LRBA: variants seen among roughly 807,000 people sequenced by gnomAD.
LRBA encodes LPS responsive beige-like anchor protein.
In LRBA, 176 loss-of-function variants were observed where a neutral mutation model predicts 330.0. The observed-to-expected ratio is 0.53, with a 90% CI of 0.47 to 0.60. LRBA has a LOEUF of 0.60. LRBA is among the 20% of genes least tolerant of loss of function. The probability of loss-of-function intolerance (pLI) is 0.00; values close to 1 mark genes in which losing one functional copy is unlikely to be tolerated. For missense variants in LRBA, 3,259 were observed against 3,444.8 expected, an observed-to-expected ratio of 0.95 and a Z score of 1.35; for synonymous variants, 1,230 against 1,193.0, an observed-to-expected ratio of 1.03 and a Z score of -0.64.
intron 37 of LRBA, among the ~76,000 whole-genome samples, chr4:150,680,779 A>G (rs980114655): frequency 3.9e-5 from 6 of 152,198 alleles, no homozygotes; most frequent in African/African-American, 1.4e-4. Flanking sequence ...ATAATTGACT[A>G]AAAATATTGA....
intron 40 of LRBA, among the ~76,000 whole-genome samples, chr4:150,556,523 G>T (rs1767336245): frequency 6.6e-6 from 1 of 152,168 alleles, no homozygotes; most frequent in Non-Finnish European, 1.5e-5. Flanking sequence ...TAGTTACACA[G>T]AATGTGAATA....
chr4:150,350,628 C>T (rs959343971), intron 47 of LRBA, among the ~76,000 whole-genome samples: 2 of 151,788 alleles, frequency 1.3e-5, no homozygotes, highest in African/African-American at 2.4e-5. Context: ...ATCTGTCCTC[C>T]TTGGTTTATA....
rs1733954024 is a variant in LRBA at position 150,927,048 on chromosome 4, C to CGTCCAGTGGTGAGACAGAGCAA, written c.549+1467_549+1468insTTGCTCTGTCTCACCACTGGAC. ...ATCGCACCACTGGACGTTAGCCTGG[C>CGTCCAGTGGTGAGACAGAGCAA]GACAGAGCAAGACTCCGTCTCAAAA... On this transcript the variant is annotated intron_variant, in intron 4 of 56. Transcript: ENST00000651943. Among the ~76,000 whole-genome samples, 5 of 143,180 alleles carry CGTCCAGTGGTGAGACAGAGCAA rather than the reference C, an allele frequency of 3.5e-5. No homozygotes were observed. In the Middle Eastern group the frequency reaches 0.012, roughly 338 times the overall value. The allele number at this position is 143,180 out of a possible 152,430, so 93.9% of individuals were successfully genotyped here. A position where few individuals can be genotyped will look rare whatever the true frequency, so the allele number is the denominator to read the frequency against.
intron 2 of LRBA, among the ~76,000 whole-genome samples, chr4:150,980,744 G>C (rs1228876620): frequency 6.6e-6 from 1 of 152,072 alleles, no homozygotes; most frequent in African/African-American, 2.4e-5. Context: ...AAAACCTAGA[G>C]AGTCCACCAA....
At chr4:150,350,781 A>G (rs1329361519) in intron 47 of LRBA, among the ~76,000 whole-genome samples, 3 of 152,156 alleles carry the variant, frequency 2.0e-5, no homozygotes, top group African/African-American at 7.2e-5. Flanking sequence ...CAGGTACTCG[A>G]TTTATGCTTC....
At chr4:150,954,967 A>G (rs1046243381) in intron 2 of LRBA, among the ~76,000 whole-genome samples, 1 of 149,058 alleles carries the variant, frequency 6.7e-6, no homozygotes, top group African/African-American at 2.6e-5. Flanking sequence ...TAGCCTATAT[A>G]AAAGAATAAG....
chr4:150,486,665 T>C (rs552340056), intron 42 of LRBA, among the ~76,000 whole-genome samples: 6 of 151,840 alleles, frequency 4.0e-5, no homozygotes, highest in East Asian at 1.9e-4. Flanking sequence ...TTTTGTAATC[T>C]AGTCTCCACA....
intron 35 of LRBA, among the ~76,000 whole-genome samples, 199 bp downstream of exon 35, chr4:150,761,584 A>C (rs1431357105): frequency 6.6e-6 from 1 of 152,048 alleles, no homozygotes; most frequent in African/African-American, 2.4e-5. Context: ...AAAATCAGAA[A>C]TGTATCAGTA....
At chr4:150,806,207 T>A in intron 33 of LRBA, 64 bp downstream of exon 33, 1 of 1,216,176 alleles carries the variant, frequency 8.2e-7, no homozygotes, top group Non-Finnish European at 1.1e-6. Context: ...TATTTCATTA[T>A]CCATGTAAGT....
At chr4:150,995,347 C>A (rs950567245) in intron 2 of LRBA, among the ~76,000 whole-genome samples, 1 of 151,318 alleles carries the variant, frequency 6.6e-6, no homozygotes, top group African/African-American at 2.4e-5. Flanking sequence ...AAGAAATTCA[C>A]AAAATAATGA....
intron 28 of LRBA, among the ~76,000 whole-genome samples, chr4:150,835,779 T>C (rs967503386): frequency 2.0e-5 from 3 of 152,182 alleles, no homozygotes; most frequent in African/African-American, 7.2e-5. Flanking sequence ...TTTTCCTAAT[T>C]GAATACCCTT....
rs139480902 is a variant in LRBA at position 150,960,026 on chromosome 4, T to A, written c.217-30961A>T. ...CCCCAGCCTCCCAACTAGCTGGGGC[T>A]ACCGGTGTGTACCACCATGCCTGGC... On this transcript the variant is annotated intron_variant, in intron 2 of 56. Transcript: ENST00000651943. Among the ~76,000 whole-genome samples, 301 of 148,310 alleles carry A rather than the reference T, an allele frequency of 2.0e-3. 28 individuals are homozygous for A. The highest frequency in any genetic ancestry group is 4.2e-3 in the Admixed American group (63 of 15,114).
intron 40 of LRBA, among the ~76,000 whole-genome samples, chr4:150,500,476 G>T (rs1023075528): frequency 6.6e-6 from 1 of 152,098 alleles, no homozygotes; most frequent in African/African-American, 2.4e-5. Context: ...TACTCAGGAG[G>T]CTGAGACAGG....
chr4:150,893,344 A>T (rs1268593133), intron 16 of LRBA, among the ~76,000 whole-genome samples, 195 bp from the exon 17 acceptor site: 1 of 152,146 alleles, frequency 6.6e-6, no homozygotes, highest in Admixed American at 6.5e-5. Flanking sequence ...ATAAAATAGC[A>T]AACCAATTTC....
intron 37 of LRBA, among the ~76,000 whole-genome samples, chr4:150,680,916 A>G (rs1224456360): frequency 6.6e-6 from 1 of 152,210 alleles, no homozygotes; most frequent in East Asian, 1.9e-4. Flanking sequence ...AATAAATGAC[A>G]TTAATGGGAA....
intron 34 of LRBA, among the ~76,000 whole-genome samples, chr4:150,794,917 GC>G (rs1458297571): frequency 1.3e-5 from 2 of 152,182 alleles, no homozygotes; most frequent in East Asian, 3.9e-4. Context: ...TTATCTGACA[GC>G]CCTCTCCGAT....
chr4:151,014,719 G>A lies in LRBA; in HGVS notation c.-77C>T. ...TGCACTGGTAATGAGCACAACACAC[G>A]CAATGCAAAACGAAAGGGTCCCTCT... On this transcript the variant is annotated 5_prime_UTR_variant, in exon 2 of 57. Transcript: ENST00000651943. 1 of 948,138 alleles carries A rather than the reference G, an allele frequency of 1.1e-6. No individual in the cohort carries two copies. Among genetic ancestry groups the A allele is most frequent in the East Asian group, 2.6e-5 (1 of 38,042 alleles). 58.7% of individuals were successfully genotyped at this position (948,138 alleles called of 1,614,324 possible).
intron 17 of LRBA, among the ~76,000 whole-genome samples, chr4:150,883,776 T>C (rs1471334988): frequency 6.6e-6 from 1 of 152,208 alleles, no homozygotes; most frequent in Non-Finnish European, 1.5e-5. Flanking sequence ...TGAACTGAAT[T>C]TAAATGGGAC....
chr4:150,990,590 G>C (rs1340870449), intron 2 of LRBA, among the ~76,000 whole-genome samples: 1 of 152,040 alleles, frequency 6.6e-6, no homozygotes, highest in Non-Finnish European at 1.5e-5. Context: ...AAAAGAATTA[G>C]CCAGGTGTGG....
Sources: gnomAD v4.1 joint callset for allele counts (sites outside exome capture counted in the v4.1 genomes callset) on GRCh38, gnomAD v4.1.1 for gene constraint, MANE v1.5 for transcripts, NCBI Gene and HGNC (gene_info 2026-07-23, HGNC 2026-07-21) for gene names.